The following TNFAIP8L1 variants were observed in gnomAD, a reference collection of about 807,000 sequenced individuals.
The protein encoded by TNFAIP8L1 is tumor necrosis factor alpha-induced protein 8-like protein 1.
For synonymous variants in TNFAIP8L1, 127 were observed against 125.6 expected (o/e 1.01, Z -0.08); for missense variants, 225 against 266.1 (o/e 0.85, Z 1.08).
intron 1 of TNFAIP8L1, among the ~76,000 whole-genome samples, chr19:4,643,917 AAAAT>A (rs1402522158): frequency 6.6e-6 from 1 of 151,970 alleles, no homozygotes; most frequent in African/African-American, 2.4e-5. Context: ...TCCATCTCAA[AAAAT>A]AAATAAATAA....
intron 1 of TNFAIP8L1, among the ~76,000 whole-genome samples, chr19:4,644,749 G>A (rs1167380589): frequency 6.6e-6 from 1 of 151,752 alleles, no homozygotes; most frequent in Non-Finnish European, 1.5e-5. Flanking sequence ...GATTACAGGC[G>A]TGTGCCACAC....
intron 1 of TNFAIP8L1, among the ~76,000 whole-genome samples, chr19:4,643,991 C>T (rs979617400): frequency 5.9e-5 from 9 of 151,656 alleles, no homozygotes; most frequent in Non-Finnish European, 8.8e-5. Flanking sequence ...GTGGCCGAGG[C>T]GGGTGGATCA....
intron 1 of TNFAIP8L1, among the ~76,000 whole-genome samples, chr19:4,646,369 C>T (rs2088311537): frequency 6.6e-6 from 1 of 151,478 alleles, no homozygotes; most frequent in Admixed American, 6.6e-5. Flanking sequence ...TCAATTGATC[C>T]TCCTCCCTCT....
Position 4,641,858 on chromosome 19 carries a change from G to C in TNFAIP8L1, c.-4+2229G>C, listed in dbSNP as rs1393645801. On this transcript the variant is annotated intron_variant, in intron 1 of 1. Coordinates refer to ENST00000327473, the MANE Select transcript of TNFAIP8L1 (RefSeq NM_152362.3). This position sits in a 1 kb window ranked among gnomAD's most constrained non-coding sequence, Gnocchi z 4.6. ...AGGAAAGGATTGCACTAGGTTAAAG[G>C]CTGGGTTCAAATTCTGATTCTGCCA... The C allele has an allele frequency of 6.6e-6, 1 of 152,220 alleles. No homozygotes were observed. The highest frequency in any genetic ancestry group is 1.5e-5 in the Non-Finnish European group (1 of 68,066). The allele number at this position is 152,220 out of a possible 1,614,324, so 9.4% of individuals were successfully genotyped here.
In TNFAIP8L1 at chr19:4,645,906, C is replaced by G. The variant is rs1262444582; in HGVS notation, c.-3-5961C>G. On this transcript the variant is annotated intron_variant, in intron 1 of 1. Coordinates refer to ENST00000327473, the MANE Select transcript of TNFAIP8L1 (RefSeq NM_152362.3). The surrounding 1 kb of genome is among the most constrained non-coding windows in gnomAD (Gnocchi z 4.1). ...CAGGGCTGAGGCCTCCTGGCTGTTC[C>G]TGTAACAAGCGTGACACAGCCCTGC... Among the ~76,000 whole-genome samples, 1 of 152,070 alleles carries G rather than the reference C, an allele frequency of 6.6e-6. No individual in the cohort carries two copies. The highest frequency in any genetic ancestry group is 1.5e-5 in the Non-Finnish European group (1 of 68,008).
chr19:4,642,709 G>A (rs1296227063), intron 1 of TNFAIP8L1, among the ~76,000 whole-genome samples: 5 of 151,454 alleles, frequency 3.3e-5, no homozygotes, highest in Admixed American at 2.0e-4. Flanking sequence ...AAGGAGGCCC[G>A]TGGGGCTGGA....
At chr19:4,650,179 T>A (rs2088348919) in intron 1 of TNFAIP8L1, among the ~76,000 whole-genome samples, 1 of 151,816 alleles carries the variant, frequency 6.6e-6, no homozygotes, top group African/African-American at 2.4e-5. Flanking sequence ...CCAGTTGGGG[T>A]GCAGAGCTGG....
intron 1 of TNFAIP8L1, among the ~76,000 whole-genome samples, chr19:4,651,495 G>A (rs1469306061): frequency 6.6e-6 from 1 of 151,798 alleles, no homozygotes; most frequent in Non-Finnish European, 1.5e-5. Flanking sequence ...GCAGTGCGGT[G>A]GCATGGTCTT....
rs1322111395 is a variant in TNFAIP8L1 at position 4,645,005 on chromosome 19, CT to C, written c.-4+5377del. On this transcript the variant is annotated intron_variant, in intron 1 of 1. Transcript: ENST00000327473. This position sits in a 1 kb window ranked among gnomAD's most constrained non-coding sequence, Gnocchi z 4.1. ...GGCGGGAAGAGGCCTGAGGCCCCCC[CT>C]GGGCCCCCGGACTGAGTGCAGCCGG... is the stretch of plus-strand genomic sequence containing the variant. Among the ~76,000 whole-genome samples the C allele has an allele frequency of 3.9e-5, 6 of 152,186 alleles. No homozygotes were observed. The highest frequency in any genetic ancestry group is 7.2e-5 in the African/African-American group (3 of 41,460).
Position 4,652,537 on chromosome 19 carries a change from CG to C in TNFAIP8L1, c.*109del. 1 of 1,123,420 alleles carries C rather than the reference CG, an allele frequency of 8.9e-7. No individual in the cohort carries two copies. The highest frequency in any genetic ancestry group is 1.2e-6 in the Non-Finnish European group (1 of 804,942). 69.6% of individuals were successfully genotyped at this position (1,123,420 alleles called of 1,614,324 possible). A position where few individuals can be genotyped will look rare whatever the true frequency, so the allele number is the denominator to read the frequency against. The stretch of plus-strand genomic sequence containing the variant: ...CACCTCTTTTCTCCCAATCGGACTC[CG>C]GCCAAACTCCCCTAGACAGATGGGT... On this transcript the variant is annotated 3_prime_UTR_variant, in exon 2 of 2. Coordinates refer to ENST00000327473, the MANE Select transcript of TNFAIP8L1 (RefSeq NM_152362.3).
In TNFAIP8L1 at chr19:4,653,216, A is replaced by T. The variant is rs891500144; in HGVS notation, c.*786A>T. On this transcript the variant is annotated 3_prime_UTR_variant, in exon 2 of 2. Transcript: ENST00000327473. Reference sequence around the variant, plus strand: ...GCTACTCGGGAGGCTGAGGCAGGATAATCACTTGAACCAGGAGGAGGAGGT... The same window carrying T: ...GCTACTCGGGAGGCTGAGGCAGGATTATCACTTGAACCAGGAGGAGGAGGT... The T allele has an allele frequency of 3.6e-5, 6 of 166,698 alleles. No homozygotes were observed. Among genetic ancestry groups the T allele is most frequent in the Non-Finnish European group, 8.8e-5 (6 of 68,214 alleles). The allele number at this position is 166,698 out of a possible 1,614,324, so 10.3% of individuals were successfully genotyped here.
At chr19:4,643,583 GAAC>G (rs923723047) in intron 1 of TNFAIP8L1, among the ~76,000 whole-genome samples, 1 of 152,248 alleles carries the variant, frequency 6.6e-6, no homozygotes, top group Non-Finnish European at 1.5e-5. Flanking sequence ...CCCAGTTTGA[GAAC>G]AACTGATGTC....
intron 1 of TNFAIP8L1, among the ~76,000 whole-genome samples, chr19:4,646,166 A>C (rs78417497): frequency 5.6e-4 from 85 of 152,052 alleles, no homozygotes; most frequent in Non-Finnish European, 1.1e-3. Context: ...TTTTGCACCC[A>C]GGCTGGAGTG....
chr19:4,643,059 A>G (rs774215109), intron 1 of TNFAIP8L1, among the ~76,000 whole-genome samples: 4 of 151,878 alleles, frequency 2.6e-5, no homozygotes, highest in Admixed American at 1.3e-4. Flanking sequence ...CAAGTGGATC[A>G]CCTGAGGTCA....
rs779140423 is a variant in TNFAIP8L1, at chr19:4,652,298, C to T, written c.429C>T (p.Ile143=). ...TGACCGCCAAGTCCCACGGCCGCATCAACCACGTGTTCGGCCACCTAGCCG... is the reference window on the plus strand; with the variant it reads ...TGACCGCCAAGTCCCACGGCCGCATTAACCACGTGTTCGGCCACCTAGCCG... ...PHLTAKSHGR[I]NHVFGHLADC... The change falls in exon 2 of 2, where the codon ATC becomes ATT. Residue 143 remains isoleucine, a synonymous_variant. Transcript: ENST00000327473. The T allele has an allele frequency of 5.1e-6, 8 of 1,565,346 alleles. No individual in the cohort carries two copies. The highest frequency in any genetic ancestry group is 6.9e-6 in the Non-Finnish European group (8 of 1,157,972).
rs74172655 is a variant in TNFAIP8L1, at chr19:4,654,765, G to A, written c.*2335G>A. The A allele has an allele frequency of 2.6e-5, 4 of 152,224 alleles. No homozygotes were observed. The highest frequency in any genetic ancestry group is 9.6e-5 in the African/African-American group (4 of 41,452). 9.4% of individuals were successfully genotyped at this position (152,224 alleles called of 1,614,324 possible). ...CGGGCGATTCTCAGCTCAGGGCGTG[G>A]AGGCGTGGTGTGGGGGAGTCTATTT... On this transcript the variant is annotated 3_prime_UTR_variant, in exon 2 of 2. Transcript: ENST00000327473.
In TNFAIP8L1 at chr19:4,649,191, A is replaced by G. The variant is rs547106950; in HGVS notation, c.-3-2676A>G. Among the ~76,000 whole-genome samples the G allele has an allele frequency of 1.1e-3, 169 of 151,306 alleles. 2 individuals are homozygous for G. Among genetic ancestry groups the G allele is most frequent in the Non-Finnish European group, 2.1e-3 (143 of 67,852 alleles). On this transcript the variant is annotated intron_variant, in intron 1 of 1. Coordinates refer to ENST00000327473, the MANE Select transcript of TNFAIP8L1 (RefSeq NM_152362.3). ...GTGATCCTCCCGCCTTGGCTTCCGA[A>G]AGTGCTGGGATTACAGGTGTGAGCC... is the stretch of plus-strand genomic sequence containing the variant.
intron 1 of TNFAIP8L1, among the ~76,000 whole-genome samples, chr19:4,649,983 G>C (rs971574880): frequency 6.6e-5 from 10 of 152,254 alleles, no homozygotes; most frequent in African/African-American, 2.4e-4. Context: ...TGGCGCTGGG[G>C]TGGGAGTGGA....
At chr19:4,649,510 G>T (rs1327084153) in intron 1 of TNFAIP8L1, among the ~76,000 whole-genome samples, 1 of 152,176 alleles carries the variant, frequency 6.6e-6, no homozygotes, top group Non-Finnish European at 1.5e-5. Flanking sequence ...TAAATATCAG[G>T]GTTGCCCTCT....
Sources: allele counts gnomAD v4.1 joint callset (sites outside exome capture counted in the v4.1 genomes callset), GRCh38; gene constraint gnomAD v4.1.1; non-coding constraint Gnocchi (gnomAD v3.1); transcripts MANE v1.5; gene names NCBI Gene and HGNC (gene_info 2026-07-23, HGNC 2026-07-21).